TSPAN9: variants seen among roughly 807,000 people sequenced by gnomAD.
TSPAN9 encodes the protein tetraspanin-9.
Under a neutral mutation model 31.0 loss-of-function variants are expected in TSPAN9, and 16 were observed. The observed-to-expected ratio is 0.52, with a 90% CI of 0.35 to 0.78. The LOEUF is 0.78. Among genes scored for constraint, TSPAN9 ranks in the 30% least tolerant of loss-of-function variants. TSPAN9 has a pLI of 0.01. For missense variants in TSPAN9, 272 were observed against 312.5 expected, an observed-to-expected ratio of 0.87 and a Z score of 0.98; for synonymous variants, 145 against 121.6, an observed-to-expected ratio of 1.19 and a Z score of -1.27.
intron 3 of TSPAN9, chr12:3,206,401 A>C: frequency 2.2e-6 from 1 of 455,586 alleles, no homozygotes; most frequent in Non-Finnish European, 4.4e-6. Context: ...ATTTGAACAC[A>C]GGGCTGTCAA....
chr12:3,158,070 GCGGCTTTTCAGTGCCTGC>G (rs918345953), intron 2 of TSPAN9, among the ~76,000 whole-genome samples: 4 of 152,186 alleles, frequency 2.6e-5, no homozygotes, highest in African/African-American at 9.7e-5. Flanking sequence ...CCAGGAGTTG[GCGGCTTTTCAGTGCCTGC>G]GGGGTTTCCT....
chr12:3,260,812 G>T (rs1291595849), intron 3 of TSPAN9, among the ~76,000 whole-genome samples: 1 of 152,198 alleles, frequency 6.6e-6, no homozygotes, highest in East Asian at 1.9e-4. Context: ...GGGCGTGGCT[G>T]GTGGAGGACT....
chr12:3,097,869 C>T (rs1391638520), intron 2 of TSPAN9, among the ~76,000 whole-genome samples: 1 of 152,244 alleles, frequency 6.6e-6, no homozygotes, highest in Non-Finnish European at 1.5e-5. Flanking sequence ...CTCTTTCTCC[C>T]TTCCCCAGAG....
At chr12:3,196,889 A>T (rs1220857320) in intron 2 of TSPAN9, among the ~76,000 whole-genome samples, 1 of 152,238 alleles carries the variant, frequency 6.6e-6, no homozygotes, top group African/African-American at 2.4e-5. Flanking sequence ...TCCAGGGACA[A>T]TGAGGCAACT....
chr12:3,201,474 T>C (rs1445195419), intron 3 of TSPAN9, among the ~76,000 whole-genome samples: 1 of 152,146 alleles, frequency 6.6e-6, no homozygotes, highest in East Asian at 1.9e-4. Flanking sequence ...AGCTTGCCTG[T>C]CTTCAGGAGA....
chr12:3,258,372 T>G (rs938303424), intron 3 of TSPAN9, among the ~76,000 whole-genome samples: 10 of 152,144 alleles, frequency 6.6e-5, no homozygotes, highest in African/African-American at 2.4e-4. Context: ...GGATATATTC[T>G]GGGGCCCAGA....
At position 3,281,248 on chromosome 12, in the gene TSPAN9, G is replaced by T; in HGVS notation, c.483G>T (p.Gly161=). 1 of 1,551,400 alleles carries T rather than the reference G, an allele frequency of 6.4e-7. No individual in the cohort carries two copies. Among genetic ancestry groups the T allele is most frequent in the Non-Finnish European group, 8.7e-7 (1 of 1,146,994 alleles). ...TDYTDWYPVL[G]ENTVPDRCCM... The stretch of plus-strand genomic sequence containing the variant: ...ACACAGACTGGTACCCAGTGCTGGG[G>T]GAGAACACGGTTCCCGACCGCTGCT... The change falls in exon 7 of 9, where the codon GGG becomes GGT. Residue 161 remains glycine, a synonymous_variant. Coordinates refer to ENST00000011898, the MANE Select transcript of TSPAN9 (RefSeq NM_006675.5).
intron 3 of TSPAN9, among the ~76,000 whole-genome samples, chr12:3,271,295 A>G (rs937580797): frequency 1.3e-5 from 2 of 152,174 alleles, no homozygotes; most frequent in African/African-American, 2.4e-5. Context: ...GTGAGACTAA[A>G]CTGTGCTATG....
rs113333368 is a variant in TSPAN9 at position 3,162,950 on chromosome 12, C to T, written c.-17-38227C>T. 6.8e-3 allele frequency among the ~76,000 whole-genome samples: 1,043 copies of T among 152,316 alleles called. 10 individuals are homozygous for T. The highest frequency in any genetic ancestry group is 0.024 in the African/African-American group (984 of 41,564). On this transcript the variant is annotated intron_variant, in intron 2 of 8. Coordinates refer to ENST00000011898, the MANE Select transcript of TSPAN9 (RefSeq NM_006675.5). ...GAACGTCGGAGGGACACGTCTTCTC[C>T]TTCCTCCCACTGTGGACAGCATGGG...
At chr12:3,104,282 GGATT>G (rs2098313179) in intron 2 of TSPAN9, among the ~76,000 whole-genome samples, 2 of 152,128 alleles carry the variant, frequency 1.3e-5, no homozygotes, top group Non-Finnish European at 2.9e-5. Flanking sequence ...CATTTCAAAA[GGATT>G]GCTGTGGCTG....
chr12:3,271,576 T>C (rs1340438129), intron 3 of TSPAN9, among the ~76,000 whole-genome samples: 2 of 150,622 alleles, frequency 1.3e-5, no homozygotes, highest in African/African-American at 4.9e-5. Context: ...TGGAGTGCAT[T>C]GTGGGATGGT....
intron 2 of TSPAN9, among the ~76,000 whole-genome samples, chr12:3,119,461 C>T (rs577905250): frequency 6.6e-6 from 1 of 152,338 alleles, no homozygotes; most frequent in South Asian, 2.1e-4. Flanking sequence ...CTGGGACTCC[C>T]AGATCAGCCC....
At chr12:3,094,830 C>T (rs960900037) in intron 2 of TSPAN9, among the ~76,000 whole-genome samples, 2 of 147,182 alleles carry the variant, frequency 1.4e-5, no homozygotes, top group African/African-American at 5.0e-5. Flanking sequence ...CCAACACGCC[C>T]GGCAAAAATC....
intron 3 of TSPAN9, among the ~76,000 whole-genome samples, chr12:3,267,752 G>A (rs1250532538): frequency 1.3e-5 from 2 of 152,170 alleles, no homozygotes; most frequent in Non-Finnish European, 2.9e-5. Context: ...ACTTTACAGT[G>A]ACCTTGGGAG....
chr12:3,180,138 C>G (rs73035911), intron 2 of TSPAN9, among the ~76,000 whole-genome samples: 2,129 of 152,306 alleles, frequency 0.014, 20 homozygotes, highest in Non-Finnish European at 0.023. Flanking sequence ...GCACACACAG[C>G]TACACCTGAG....
chr12:3,079,651 G>A (rs1426891678), intron 1 of TSPAN9, among the ~76,000 whole-genome samples: 1 of 151,926 alleles, frequency 6.6e-6, no homozygotes, highest in Non-Finnish European at 1.5e-5. Flanking sequence ...TAGTAGAGAT[G>A]GAGTTTCGCC....
intron 2 of TSPAN9, among the ~76,000 whole-genome samples, chr12:3,177,930 C>T (rs542671822): frequency 3.3e-5 from 5 of 152,266 alleles, no homozygotes; most frequent in East Asian, 1.9e-4. Flanking sequence ...GAGGTCCTGT[C>T]GGCTGTGTCT....
intron 3 of TSPAN9, among the ~76,000 whole-genome samples, chr12:3,251,249 C>G (rs1386401357): frequency 6.6e-6 from 1 of 152,186 alleles, no homozygotes; most frequent in Non-Finnish European, 1.5e-5. Context: ...AAGCATTCAG[C>G]TTGCACCCGC....
Position 3,280,394 on chromosome 12 carries a change from G to T in TSPAN9, c.343G>T (p.Ala115Ser), listed in dbSNP as rs756396935. The T allele has an allele frequency of 4.3e-5, 69 of 1,611,714 alleles. No individual in the cohort carries two copies. The highest frequency in any genetic ancestry group is 6.7e-5 in the Admixed American group (4 of 59,980). The change falls in exon 6 of 9, where the codon GCC becomes TCC. Residue 115 changes from alanine to serine, a missense_variant. Coordinates refer to ENST00000011898, the MANE Select transcript of TSPAN9 (RefSeq NM_006675.5). The surrounding 1 kb of genome is among the most constrained non-coding windows in gnomAD (Gnocchi z 4.5). ...CTCCGCCTGGCAGGTGAACGAGAAC[G>T]CCAAGAAGGACCTGAAGGAAGGCCT... ...FVYMDKVNENAKKDLKEGLLL... is the reference protein window; with the variant it reads ...FVYMDKVNENSKKDLKEGLLL...
Sources: gnomAD v4.1 joint callset for allele counts (sites outside exome capture counted in the v4.1 genomes callset) on GRCh38, gnomAD v4.1.1 for gene constraint, Gnocchi (gnomAD v3.1) non-coding constraint, MANE v1.5 for transcripts, NCBI Gene and HGNC (gene_info 2026-07-23, HGNC 2026-07-21) for gene names.